Variants in CASZ1 observed in about 807,000 individuals in gnomAD.
The protein encoded by CASZ1 is zinc finger protein castor homolog 1.
CASZ1 carries 28 observed loss-of-function variants against 135.2 expected under a neutral mutation model. The observed-to-expected ratio is 0.21, with a 90% CI of 0.15 to 0.28. The LOEUF (loss-of-function observed/expected upper bound fraction) is 0.28. Among genes scored for constraint, CASZ1 ranks in the 10% least tolerant of loss-of-function variants. The probability of loss-of-function intolerance (pLI) is 1.00; values close to 1 mark genes in which losing one functional copy is unlikely to be tolerated. For missense variants in CASZ1, 2,161 were observed against 2,453.3 expected (o/e 0.88, Z 2.52); for synonymous variants, 1,068 against 1,073.4 (o/e 0.99, Z 0.10).
chr1:10,746,822 C>T (rs1200041283), intron 2 of CASZ1, among the ~76,000 whole-genome samples: 1 of 152,236 alleles, frequency 6.6e-6, no homozygotes, highest in Non-Finnish European at 1.5e-5. Context: ...TGGCCTTTGA[C>T]CCACTGGAAA....
At chr1:10,746,307 G>A (rs927352238) in intron 2 of CASZ1, among the ~76,000 whole-genome samples, 2 of 152,138 alleles carry the variant, frequency 1.3e-5, no homozygotes, top group African/African-American at 4.8e-5. Flanking sequence ...CTGAGAACTC[G>A]GCCAAAAAGA....
At chr1:10,640,203 C>T in intron 20 of CASZ1, 144 bp from the exon 21 acceptor site, 1 of 1,174,374 alleles carries the variant, frequency 8.5e-7, no homozygotes, top group South Asian at 1.6e-5. Flanking sequence ...GCTTGGGAGG[C>T]CTCTCCTGCC....
At position 10,774,477 on chromosome 1, in the gene CASZ1, C is replaced by T. The variant is rs1370109764; in HGVS notation, c.-233-13620G>A. ...ACAGAGGAAAAGAAGAGGTTGCTGGCCTGTTGCGGGGCTGGGTTTAGAGTC... is the reference window on the plus strand; with the variant it reads ...ACAGAGGAAAAGAAGAGGTTGCTGGTCTGTTGCGGGGCTGGGTTTAGAGTC... On this transcript the variant is annotated intron_variant, in intron 1 of 20. Transcript: ENST00000377022. The surrounding 1 kb of genome is among the most constrained non-coding windows in gnomAD (Gnocchi z 4.4). Among the ~76,000 whole-genome samples, 1 of 152,064 alleles carries T rather than the reference C, an allele frequency of 6.6e-6. No homozygotes were observed. Among genetic ancestry groups the T allele is most frequent in the Non-Finnish European group, 1.5e-5 (1 of 68,006 alleles).
intron 1 of CASZ1, among the ~76,000 whole-genome samples, chr1:10,778,593 C>G (rs1010190379): frequency 6.6e-6 from 1 of 152,196 alleles, no homozygotes; most frequent in Non-Finnish European, 1.5e-5. Flanking sequence ...ATCTCACACA[C>G]ACCCATTCCC....
At chr1:10,780,123 G>T (rs574264242) in intron 1 of CASZ1, among the ~76,000 whole-genome samples, 2 of 152,154 alleles carry the variant, frequency 1.3e-5, no homozygotes, top group Non-Finnish European at 2.9e-5. Flanking sequence ...CTTATAAAGC[G>T]CCCTGGCAGC....
intron 4 of CASZ1, among the ~76,000 whole-genome samples, chr1:10,674,581 C>G (rs1232081155): frequency 6.6e-6 from 1 of 152,246 alleles, no homozygotes; most frequent in East Asian, 1.9e-4. Flanking sequence ...AACTGTAACA[C>G]AGCGTTGCTG....
In CASZ1 at chr1:10,694,697, G is replaced by GC. The variant is rs563181637; in HGVS notation, c.-23-786dup. On this transcript the variant is annotated intron_variant, in intron 3 of 20. Transcript: ENST00000377022. The surrounding 1 kb of genome is among the most constrained non-coding windows in gnomAD (Gnocchi z 6.6). Reference sequence around the variant, plus strand: ...GCGCTCGCTCGCGCCCCCGCCGCGCGCCCCCGCCGCGCGCGCCCGCGCCGC... The same window carrying GC: ...GCGCTCGCTCGCGCCCCCGCCGCGCGCCCCCCGCCGCGCGCGCCCGCGCCGC... Among the ~76,000 whole-genome samples the GC allele has an allele frequency of 6.4e-3, 916 of 143,042 alleles. 11 individuals carry two copies. Among genetic ancestry groups the GC allele is most frequent in the African/African-American group, 0.021 (850 of 39,778 alleles). The allele number at this position is 143,042 out of a possible 152,430, so 93.8% of individuals were successfully genotyped here.
intron 1 of CASZ1, among the ~76,000 whole-genome samples, chr1:10,782,241 G>A (rs1640775632): frequency 6.6e-6 from 1 of 152,234 alleles, no homozygotes; most frequent in Non-Finnish European, 1.5e-5. Flanking sequence ...AAGTGGGGAG[G>A]TCTAGGGACA....
At chr1:10,642,782 G>T in intron 20 of CASZ1, 77 bp downstream of exon 20, 1 of 1,527,964 alleles carries the variant, frequency 6.5e-7, no homozygotes, top group Non-Finnish European at 8.9e-7. Flanking sequence ...CGGACCTTCT[G>T]TCCCAAGCTG....
rs747151764 is a variant in CASZ1, at chr1:10,639,083, C to T, written c.5139G>A (p.Glu1713=). 34 of 1,146,772 alleles carry T rather than the reference C, an allele frequency of 3.0e-5. No homozygotes were observed. Among genetic ancestry groups the T allele is most frequent in the Middle Eastern group, 3.3e-4 (1 of 3,022 alleles). 71.0% of individuals were successfully genotyped at this position (1,146,772 alleles called of 1,614,324 possible). ...DEDDDEDDDD[E]DLRTDSEESL... ...ACTCCTCCGAGTCGGTGCGCAGGTC[C>T]TCGTCGTCGTCGTCCTCGTCGTCGT... Residue 1713 remains glutamate, a synonymous_variant, in exon 21 of 21, where the codon GAG becomes GAA. Transcript: ENST00000377022. This position sits in a 1 kb window ranked among gnomAD's most constrained non-coding sequence, Gnocchi z 4.0.
chr1:10,674,936 G>C (rs1173434625), intron 4 of CASZ1, among the ~76,000 whole-genome samples: 1 of 152,216 alleles, frequency 6.6e-6, no homozygotes. Flanking sequence ...TGGCAGCAGG[G>C]GAGCAGCCCT....
At chr1:10,723,015 C>T (rs1229341886) in intron 2 of CASZ1, among the ~76,000 whole-genome samples, 2 of 152,240 alleles carry the variant, frequency 1.3e-5, no homozygotes, top group East Asian at 1.9e-4. Flanking sequence ...TGTGCGCCCA[C>T]GGCAGCTGAG....
intron 2 of CASZ1, among the ~76,000 whole-genome samples, chr1:10,752,196 G>C (rs1018892666): frequency 6.6e-6 from 1 of 152,224 alleles, no homozygotes; most frequent in Non-Finnish European, 1.5e-5. Context: ...GCCCTGCATA[G>C]CAGGCTGTCG....
chr1:10,787,811 G>T (rs371058448), intron 1 of CASZ1, among the ~76,000 whole-genome samples: 1 of 152,070 alleles, frequency 6.6e-6, no homozygotes, highest in African/African-American at 2.4e-5. Flanking sequence ...GAATCCACCC[G>T]CCATTAACCC....
At position 10,638,784 on chromosome 1, in the gene CASZ1, C is replaced by T. The variant is rs1642082512; in HGVS notation, c.*158G>A. ...CCGCCGCCGCCTGTGTCCTCGGCCG[C>T]GGAGCACCAGAGGGGTCCCCGCCTC... On this transcript the variant is annotated 3_prime_UTR_variant, in exon 21 of 21. Coordinates refer to ENST00000377022, the MANE Select transcript of CASZ1 (RefSeq NM_001079843.3). The surrounding 1 kb of genome is among the most constrained non-coding windows in gnomAD (Gnocchi z 5.9). 2 of 725,612 alleles carry T rather than the reference C, an allele frequency of 2.8e-6. No homozygotes were observed. Among genetic ancestry groups the T allele is most frequent in the African/African-American group, 3.8e-5 (2 of 52,056 alleles). The allele number at this position is 725,612 out of a possible 1,614,324, so 44.9% of individuals were successfully genotyped here.
rs1002984444 is a variant in CASZ1, at chr1:10,757,123, C to A, written c.-77+3578G>T. Among the ~76,000 whole-genome samples, 5 of 152,174 alleles carry A rather than the reference C, an allele frequency of 3.3e-5. No homozygotes were observed. The highest frequency in any genetic ancestry group is 1.2e-4 in the African/African-American group (5 of 41,428). Reference sequence around the variant, plus strand: ...AAGGAGCCCGACCCACTCAAACGAGCCTTTCTCAGCACCCAGCATGGTTCC... The same window carrying A: ...AAGGAGCCCGACCCACTCAAACGAGACTTTCTCAGCACCCAGCATGGTTCC... On this transcript the variant is annotated intron_variant, in intron 2 of 20. Coordinates refer to ENST00000377022, the MANE Select transcript of CASZ1 (RefSeq NM_001079843.3). This position sits in a 1 kb window ranked among gnomAD's most constrained non-coding sequence, Gnocchi z 4.6.
At chr1:10,691,010 C>G (rs549815179) in intron 4 of CASZ1, among the ~76,000 whole-genome samples, 9 of 151,866 alleles carry the variant, frequency 5.9e-5, no homozygotes, top group Non-Finnish European at 1.2e-4. Context: ...CCCCCCTTCC[C>G]GCTCCCTCCC....
intron 1 of CASZ1, among the ~76,000 whole-genome samples, chr1:10,773,441 G>C (rs1056327336): frequency 6.6e-6 from 1 of 152,018 alleles, no homozygotes; most frequent in Admixed American, 6.5e-5. Context: ...GGATTGGATG[G>C]GTGGCAGCCA....
At chr1:10,782,155 C>T (rs1313510792) in intron 1 of CASZ1, among the ~76,000 whole-genome samples, 1 of 152,226 alleles carries the variant, frequency 6.6e-6, no homozygotes, top group Non-Finnish European at 1.5e-5. Context: ...GTTGCTATGT[C>T]ACAAATGAGG....
Sources: gnomAD v4.1 joint callset for allele counts (sites outside exome capture counted in the v4.1 genomes callset) on GRCh38, gnomAD v4.1.1 for gene constraint, Gnocchi (gnomAD v3.1) non-coding constraint, MANE v1.5 for transcripts, NCBI Gene and HGNC (gene_info 2026-07-23, HGNC 2026-07-21) for gene names.